Variants in WWOX observed in about 807,000 individuals in gnomAD.
The protein encoded by WWOX is WW domain containing oxidoreductase.
In WWOX, 69 loss-of-function variants were observed where a neutral mutation model predicts 46.2. The observed-to-expected ratio is 1.49, with a 90% CI of 1.23 to 1.82. WWOX has a LOEUF of 1.82. WWOX is among the 40% of genes most tolerant of loss of function. The pLI is 0.00. For missense variants in WWOX, 919 were observed against 542.6 expected (o/e 1.69, Z -6.89); for synonymous variants, 359 against 202.6 (o/e 1.77, Z -6.56).
chr16:79,047,811 G>A (rs2150523263), intron 8 of WWOX, among the ~76,000 whole-genome samples: 1 of 151,342 alleles, frequency 6.6e-6, no homozygotes, highest in South Asian at 2.1e-4. Flanking sequence ...CTCACAGTAG[G>A]ACCATGACGT....
intron 8 of WWOX, among the ~76,000 whole-genome samples, chr16:78,744,822 G>A (rs2049310548): frequency 6.6e-6 from 1 of 152,086 alleles, no homozygotes; most frequent in Admixed American, 6.6e-5. Context: ...TGGTTGGTTG[G>A]CCTGAAGACC....
intron 4 of WWOX, among the ~76,000 whole-genome samples, chr16:78,153,958 TG>T (rs1171837643): frequency 2.6e-5 from 4 of 152,098 alleles, no homozygotes; most frequent in African/African-American, 9.7e-5. Context: ...CCCACCTTCA[TG>T]TTTTTTGTGC....
At chr16:78,373,333 A>G (rs1222340173) in intron 5 of WWOX, among the ~76,000 whole-genome samples, 8 of 152,224 alleles carry the variant, frequency 5.3e-5, no homozygotes, top group Non-Finnish European at 1.5e-5. Flanking sequence ...AGGATATCCA[A>G]GCTCATTTCA....
At chr16:78,985,111 G>A (rs575811238) in intron 8 of WWOX, among the ~76,000 whole-genome samples, 2 of 152,202 alleles carry the variant, frequency 1.3e-5, no homozygotes, top group Admixed American at 6.5e-5. Context: ...GTTTCCGAAC[G>A]GATCAGATTC....
At chr16:78,860,750 T>G (rs1426609757) in intron 8 of WWOX, among the ~76,000 whole-genome samples, 1 of 152,210 alleles carries the variant, frequency 6.6e-6, no homozygotes, top group Admixed American at 6.5e-5. Context: ...TGGATGTTCT[T>G]GAGTATGTCT....
chr16:78,939,031 C>A (rs897366920), intron 8 of WWOX, among the ~76,000 whole-genome samples: 1 of 152,036 alleles, frequency 6.6e-6, no homozygotes, highest in Admixed American at 6.6e-5. Flanking sequence ...CCTTTCAGCC[C>A]AAGGTTTGAA....
At chr16:78,661,143 T>C (rs1027736951) in intron 8 of WWOX, among the ~76,000 whole-genome samples, 3 of 152,134 alleles carry the variant, frequency 2.0e-5, no homozygotes, top group Non-Finnish European at 4.4e-5. Flanking sequence ...TTTGAAACAA[T>C]TAACTTCACC....
intron 8 of WWOX, among the ~76,000 whole-genome samples, chr16:78,616,595 C>T (rs187151177): frequency 6.6e-6 from 1 of 151,852 alleles, no homozygotes; most frequent in African/African-American, 2.4e-5. Context: ...CATGGTGAAA[C>T]CCTGTCTCTA....
chr16:79,146,766 T>C (rs559666227), intron 8 of WWOX, among the ~76,000 whole-genome samples: 1 of 152,222 alleles, frequency 6.6e-6, no homozygotes, highest in East Asian at 1.9e-4. Flanking sequence ...GCTTACATTC[T>C]AGGAAGCGAA....
At chr16:78,800,404 C>A (rs987178324) in intron 8 of WWOX, among the ~76,000 whole-genome samples, 2 of 152,170 alleles carry the variant, frequency 1.3e-5, no homozygotes, top group Non-Finnish European at 2.9e-5. Context: ...TATATAATAT[C>A]TGCAGGCTAT....
At chr16:78,996,826 C>A (rs528462313) in intron 8 of WWOX, among the ~76,000 whole-genome samples, 1 of 152,160 alleles carries the variant, frequency 6.6e-6, no homozygotes, top group East Asian at 1.9e-4. Flanking sequence ...ATAGAGCCAT[C>A]GCTTGCAGAA....
At chr16:78,469,395 G>C (rs1485193863) in intron 8 of WWOX, among the ~76,000 whole-genome samples, 4 of 151,808 alleles carry the variant, frequency 2.6e-5, no homozygotes, top group African/African-American at 9.7e-5. Context: ...CTCTTCACAG[G>C]AGCACTTGGA....
At chr16:78,554,577 G>A (rs985193484) in intron 8 of WWOX, among the ~76,000 whole-genome samples, 9 of 152,056 alleles carry the variant, frequency 5.9e-5, no homozygotes, top group African/African-American at 1.7e-4. Context: ...ACATATCCAT[G>A]CATATACGTG....
At chr16:78,652,075 G>A (rs1014686509) in intron 8 of WWOX, among the ~76,000 whole-genome samples, 10 of 152,120 alleles carry the variant, frequency 6.6e-5, no homozygotes, top group African/African-American at 2.4e-4. Flanking sequence ...TGATAAGCCA[G>A]ATGTCCAGAA....
At chr16:78,300,995 C>CCAT (rs2080030059) in intron 5 of WWOX, among the ~76,000 whole-genome samples, 1 of 151,710 alleles carries the variant, frequency 6.6e-6, no homozygotes, top group Non-Finnish European at 1.5e-5. Flanking sequence ...CATCTACCCA[C>CCAT]CCATCCATCC....
chr16:79,012,523 C>G (rs1476513875), intron 8 of WWOX, among the ~76,000 whole-genome samples: 3 of 152,208 alleles, frequency 2.0e-5, no homozygotes, highest in Non-Finnish European at 4.4e-5. Context: ...ACAAGAGCCA[C>G]TGCGCAGACG....
intron 5 of WWOX, among the ~76,000 whole-genome samples, chr16:78,362,773 T>C (rs1489773539): frequency 1.3e-5 from 2 of 152,202 alleles, no homozygotes. Flanking sequence ...ATGTGTCCAG[T>C]AGATAAATAT....
chr16:79,019,745 C>T (rs941776236), intron 8 of WWOX, among the ~76,000 whole-genome samples: 3 of 151,844 alleles, frequency 2.0e-5, no homozygotes, highest in African/African-American at 7.3e-5. Flanking sequence ...GGTTAGTGGT[C>T]CAGAGAGGGA....
intron 6 of WWOX, among the ~76,000 whole-genome samples, chr16:78,406,996 T>C (rs1474655192): frequency 6.6e-6 from 1 of 152,216 alleles, no homozygotes; most frequent in Non-Finnish European, 1.5e-5. Flanking sequence ...TGGCACATGC[T>C]GCATTTTGGG....
Sources: gnomAD v4.1 joint callset for allele counts (sites outside exome capture counted in the v4.1 genomes callset) on GRCh38, gnomAD v4.1.1 for gene constraint, MANE v1.5 for transcripts, NCBI Gene and HGNC (gene_info 2026-07-23, HGNC 2026-07-21) for gene names.